SCAANT1: variants seen among roughly 807,000 people sequenced by gnomAD.
The protein encoded by SCAANT1 is SCA7/ATXN7 antisense RNA 1.
exon 1 of SCAANT1, chr3:63,911,598 C>A (rs1559628324): frequency 6.6e-6 from 1 of 152,142 alleles, no homozygotes; most frequent in South Asian, 2.1e-4. Context: ...AATATGTACA[C>A]GGGTTAAAGC....
chr3:63,911,798 T>C (rs1704022936), upstream of SCAANT1: 1 of 152,218 alleles, frequency 6.6e-6, no homozygotes. Flanking sequence ...TGGGAGGCAC[T>C]TCCCCGCTAG....
chr3:63,912,157 G>C (rs1260573661), upstream of SCAANT1: 1 of 152,210 alleles, frequency 6.6e-6, no homozygotes, highest in Non-Finnish European at 1.5e-5. Flanking sequence ...GCCGGGCCGG[G>C]CCCGGGGATG....
exon 1 of SCAANT1, chr3:63,911,533 T>C (rs1243445495): frequency 6.6e-6 from 1 of 152,128 alleles, no homozygotes; most frequent in Non-Finnish European, 1.5e-5. Flanking sequence ...ATGAATCAGA[T>C]TTTTACTTTT....
upstream of SCAANT1, chr3:63,912,097 C>T (rs1156535503): frequency 6.6e-6 from 1 of 152,168 alleles, no homozygotes; most frequent in African/African-American, 2.4e-5. Flanking sequence ...GGGAGCCGGC[C>T]GGGTGCCGCC....
At chr3:63,912,119 C>G (rs936676000), upstream of SCAANT1, 2 of 152,180 alleles carry the variant, frequency 1.3e-5, no homozygotes, top group African/African-American at 4.8e-5. Flanking sequence ...CTCGGACGGA[C>G]GCGCGGACGG....
At chr3:63,911,868 A>C (rs1036459705), upstream of SCAANT1, 1 of 152,280 alleles carries the variant, frequency 6.6e-6, no homozygotes, top group Non-Finnish European at 1.5e-5. Flanking sequence ...CATGCTTTTG[A>C]CAACTCTGCG....
At chr3:63,911,713 A>C (rs924951155) in exon 1 of SCAANT1, 1 of 152,166 alleles carries the variant, frequency 6.6e-6, no homozygotes, top group Non-Finnish European at 1.5e-5. Flanking sequence ...GTGACTTCCA[A>C]TTGCGGGTCG....
chr3:63,912,024 G>C (rs987855222), upstream of SCAANT1: 7 of 152,272 alleles, frequency 4.6e-5, no homozygotes, highest in Admixed American at 6.5e-5. Context: ...AAACTTCGCC[G>C]GAGCGAGCTG....
chr3:63,911,959 A>T (rs1010089253), upstream of SCAANT1: 2 of 152,100 alleles, frequency 1.3e-5, no homozygotes, highest in African/African-American at 4.8e-5. Context: ...CGGCTCCTCC[A>T]TAGGTGGCTG....
chr3:63,911,971 A>G (rs535142844), upstream of SCAANT1: 81 of 152,370 alleles, frequency 5.3e-4, 1 homozygote, highest in African/African-American at 1.7e-3. Flanking sequence ...AGGTGGCTGC[A>G]TTTCCGACTT....
upstream of SCAANT1, chr3:63,911,952 C>T (rs1456480829): frequency 6.6e-6 from 1 of 152,488 alleles, no homozygotes; most frequent in Non-Finnish European, 1.5e-5. Flanking sequence ...GGCCGGCCGG[C>T]TCCTCCATAG....
chr3:63,911,539 C>T (rs2292662), exon 1 of SCAANT1: 36,459 of 152,018 alleles, frequency 0.24, 5,346 homozygotes, highest in African/African-American at 0.4. Flanking sequence ...CAGATTTTTA[C>T]TTTTGGGGTG....
chr3:63,912,292 C>G (rs1477859911), upstream of SCAANT1: 2 of 152,082 alleles, frequency 1.3e-5, no homozygotes, highest in African/African-American at 4.8e-5. Flanking sequence ...GCGCCAGGTC[C>G]TCTGAGCAGA....
upstream of SCAANT1, chr3:63,912,000 G>GGGGCTTGACGTGC: frequency 6.6e-6 from 1 of 152,454 alleles, no homozygotes; most frequent in South Asian, 2.1e-4. Context: ...CTCCAGTCCG[G>GGGGCTTGACGTGC]GGGCTTGACG....
chr3:63,912,328 G>C (rs936745953), upstream of SCAANT1: 1 of 152,800 alleles, frequency 6.5e-6, no homozygotes, highest in Non-Finnish European at 1.5e-5. Flanking sequence ...CAGCGCCGCG[G>C]TGGCGGGCCG....
exon 1 of SCAANT1, chr3:63,911,666 C>T (rs1036407550): frequency 1.3e-5 from 2 of 151,734 alleles, no homozygotes; most frequent in Non-Finnish European, 3.0e-5. Context: ...CATGTTCTCT[C>T]TTTGCTGGAC....
At chr3:63,912,358 C>T (rs1274820757), upstream of SCAANT1, among the ~76,000 whole-genome samples, 1 of 151,602 alleles carries the variant, frequency 6.6e-6, no homozygotes, top group Non-Finnish European at 1.5e-5. Context: ...CGTCCCCTCC[C>T]TCGGGCGGCC....
chr3:63,912,029 G>A (rs553594560), upstream of SCAANT1: 8 of 152,408 alleles, frequency 5.2e-5, no homozygotes, highest in East Asian at 1.5e-3. Flanking sequence ...TCGCCGGAGC[G>A]AGCTGAGAGG....
upstream of SCAANT1, chr3:63,911,962 G>C (rs1421200088): frequency 6.6e-6 from 1 of 152,344 alleles, no homozygotes; most frequent in Non-Finnish European, 1.5e-5. Flanking sequence ...CTCCTCCATA[G>C]GTGGCTGCAT....
Sources: allele counts gnomAD v4.1 joint callset (sites outside exome capture counted in the v4.1 genomes callset), GRCh38; gene constraint gnomAD v4.1.1; transcripts MANE v1.5; gene names NCBI Gene and HGNC (gene_info 2026-07-23, HGNC 2026-07-21).